GULP1: variants seen among roughly 807,000 people sequenced by gnomAD.
The protein encoded by GULP1 is GULP PTB domain containing engulfment adaptor 1.
Under a neutral mutation model 40.9 loss-of-function variants are expected in GULP1, and 19 were observed. The ratio of observed to expected loss-of-function variants is 0.46; its 90% CI spans 0.32 to 0.68. GULP1 has a LOEUF of 0.68. GULP1 is among the 30% of genes least tolerant of loss of function. The pLI is 0.03. For missense variants in GULP1, 312 were observed against 362.2 expected, an observed-to-expected ratio of 0.86 and a Z score of 1.12; for synonymous variants, 119 against 117.6, an observed-to-expected ratio of 1.01 and a Z score of -0.08.
intron 2 of GULP1, among the ~76,000 whole-genome samples, chr2:188,432,436 A>C (rs915426352): frequency 4.0e-5 from 6 of 151,848 alleles, no homozygotes; most frequent in African/African-American, 1.4e-4. Flanking sequence ...TATTTATCTA[A>C]GTAAGAACCT....
intron 9 of GULP1, among the ~76,000 whole-genome samples, chr2:188,576,156 A>G (rs1700135641): frequency 6.6e-6 from 1 of 152,098 alleles, no homozygotes; most frequent in African/African-American, 2.4e-5. Flanking sequence ...ATTTCTGCCA[A>G]CTAGACAGCC....
intron 1 of GULP1, among the ~76,000 whole-genome samples, chr2:188,349,877 A>G (rs1348138030): frequency 2.6e-5 from 4 of 152,102 alleles, no homozygotes; most frequent in African/African-American, 9.7e-5. Flanking sequence ...TGTCAGTGAA[A>G]TTTTGTGTAT....
chr2:188,589,717 T>C, intron 11 of GULP1: 1 of 1,333,878 alleles, frequency 7.5e-7, no homozygotes, highest in Non-Finnish European at 1.0e-6. Context: ...TTTTAAATTC[T>C]TTACTGCTTT....
intron 2 of GULP1, among the ~76,000 whole-genome samples, chr2:188,443,444 A>G (rs570913921): frequency 1.3e-5 from 2 of 152,276 alleles, no homozygotes; most frequent in South Asian, 2.1e-4. Flanking sequence ...TGGTATTTAA[A>G]TCAACATTCA....
intron 1 of GULP1, among the ~76,000 whole-genome samples, chr2:188,297,007 A>G (rs890949623): frequency 1.7e-4 from 26 of 151,816 alleles, no homozygotes; most frequent in Admixed American, 1.6e-3. Flanking sequence ...TATGATACAT[A>G]TATATTCTTT....
intron 2 of GULP1, among the ~76,000 whole-genome samples, chr2:188,397,826 A>C (rs1237423118): frequency 6.6e-6 from 1 of 152,232 alleles, no homozygotes; most frequent in Non-Finnish European, 1.5e-5. Context: ...TGTCTTCCTC[A>C]TGAACAATCA....
chr2:188,376,947 ACAGATCATGAGGT>A (rs2048363646), intron 1 of GULP1, among the ~76,000 whole-genome samples: 1 of 152,166 alleles, frequency 6.6e-6, no homozygotes, highest in Non-Finnish European at 1.5e-5. Context: ...GTTGAGGCTG[ACAGATCATGAGGT>A]CAGGATTTCG....
At chr2:188,370,867 A>T (rs1559160988) in intron 1 of GULP1, among the ~76,000 whole-genome samples, 1 of 151,610 alleles carries the variant, frequency 6.6e-6, no homozygotes, top group Non-Finnish European at 1.5e-5. Flanking sequence ...GCATGTGTGT[A>T]TGTGTGTGTG....
intron 5 of GULP1, among the ~76,000 whole-genome samples, chr2:188,524,033 G>C (rs961965463): frequency 6.6e-6 from 1 of 152,092 alleles, no homozygotes. Flanking sequence ...ATTTAAAAGG[G>C]CTCACAGTTT....
chr2:188,542,663 G>C (rs1690846333), intron 7 of GULP1, among the ~76,000 whole-genome samples: 1 of 151,186 alleles, frequency 6.6e-6, no homozygotes, highest in South Asian at 2.1e-4. Context: ...ACAATATTTT[G>C]TGCACAATAA....
chr2:188,481,233 A>G (rs1218327256), intron 3 of GULP1, among the ~76,000 whole-genome samples: 3 of 151,986 alleles, frequency 2.0e-5, no homozygotes, highest in Admixed American at 6.6e-5. Flanking sequence ...ACATTTTCAT[A>G]TATCTAATAC....
intron 1 of GULP1, among the ~76,000 whole-genome samples, chr2:188,316,487 G>A (rs923636203): frequency 1.3e-5 from 2 of 152,102 alleles, no homozygotes; most frequent in Non-Finnish European, 2.9e-5. Context: ...TAAAGGAAGA[G>A]TAATTACTTG....
intron 8 of GULP1, chr2:188,569,586 T>C: frequency 6.6e-6 from 3 of 456,824 alleles, no homozygotes; most frequent in Non-Finnish European, 1.2e-5. Context: ...CATGTGACTT[T>C]GCTTCACTTC....
At chr2:188,570,619 C>T (rs1698818800) in intron 9 of GULP1, among the ~76,000 whole-genome samples, 1 of 152,162 alleles carries the variant, frequency 6.6e-6, no homozygotes, top group Non-Finnish European at 1.5e-5. Flanking sequence ...GCAGACAAAA[C>T]TCAAGTCTTT....
intron 1 of GULP1, among the ~76,000 whole-genome samples, chr2:188,335,219 AG>A (rs2042104925): frequency 6.6e-6 from 1 of 152,224 alleles, no homozygotes; most frequent in African/African-American, 2.4e-5. Flanking sequence ...TTCTGGGGAA[AG>A]CAGAGTAAAT....
chr2:188,519,543 G>A (rs1203797143), intron 4 of GULP1, among the ~76,000 whole-genome samples: 1 of 152,162 alleles, frequency 6.6e-6, no homozygotes, highest in African/African-American at 2.4e-5. Context: ...ACTAATCGCA[G>A]TGATATGATA....
At chr2:188,314,397 C>T (rs1429316526) in intron 1 of GULP1, among the ~76,000 whole-genome samples, 2 of 152,046 alleles carry the variant, frequency 1.3e-5, no homozygotes, top group African/African-American at 2.4e-5. Context: ...GAACCCATGT[C>T]CTAGTGTCCT....
chr2:188,350,334 G>A (rs1484152901), intron 1 of GULP1, among the ~76,000 whole-genome samples: 4 of 151,996 alleles, frequency 2.6e-5, no homozygotes, highest in East Asian at 1.9e-4. Flanking sequence ...TATAAGCCTA[G>A]GGTATATTTG....
At chr2:188,572,816 T>C (rs1255144657) in intron 9 of GULP1, among the ~76,000 whole-genome samples, 3 of 152,096 alleles carry the variant, frequency 2.0e-5, no homozygotes, top group Admixed American at 1.3e-4. Flanking sequence ...GTCAAACTCA[T>C]AGAAGCAGAG....
Sources: gnomAD v4.1 joint callset for allele counts (sites outside exome capture counted in the v4.1 genomes callset) on GRCh38, gnomAD v4.1.1 for gene constraint, MANE v1.5 for transcripts, NCBI Gene and HGNC (gene_info 2026-07-23, HGNC 2026-07-21) for gene names.